Variants in CBLN2 observed in about 807,000 individuals in gnomAD.
CBLN2 encodes cerebellin 2 precursor.
In CBLN2, 7 loss-of-function variants were observed where a neutral mutation model predicts 15.0. The observed-to-expected ratio is 0.47, with a 90% CI of 0.27 to 0.88. The LOEUF (loss-of-function observed/expected upper bound fraction) is 0.88. Among genes scored for constraint, CBLN2 ranks in the 40% least tolerant of loss-of-function variants. The pLI, the probability that CBLN2 is intolerant of heterozygous loss-of-function variation, is 0.14. For missense variants in CBLN2, 242 were observed against 304.5 expected (o/e 0.79, Z 1.53); for synonymous variants, 149 against 135.2 (o/e 1.10, Z -0.71).
At chr18:72,569,435 T>A (rs1203105986) in intron 1 of CBLN2, among the ~76,000 whole-genome samples, 1 of 152,348 alleles carries the variant, frequency 6.6e-6, no homozygotes, top group South Asian at 2.1e-4. Context: ...AAACAATCAG[T>A]TATGATAAAT....
chr18:72,537,961 T>C lies in CBLN2; in HGVS notation c.*215A>G, dbSNP rs2069078479. On this transcript the variant is annotated 3_prime_UTR_variant, in exon 5 of 5. Coordinates refer to ENST00000269503, the MANE Select transcript of CBLN2 (RefSeq NM_182511.4). ...CATTTCTCCTTAAGACCTTGTCATC[T>C]AAAACTAATTAGAGGCCAGGTTCCC... is the stretch of plus-strand genomic sequence containing the variant. The C allele has an allele frequency of 5.1e-6, 3 of 593,140 alleles. No homozygotes were observed. In the South Asian group the frequency reaches 6.2e-5, roughly 12 times the overall value. 36.7% of individuals were successfully genotyped at this position (593,140 alleles called of 1,614,324 possible).
At chr18:72,616,234 C>T (rs577760911) in intron 1 of CBLN2, among the ~76,000 whole-genome samples, 2 of 152,294 alleles carry the variant, frequency 1.3e-5, no homozygotes, top group East Asian at 1.9e-4. Flanking sequence ...CTTTAGTCTT[C>T]CTCCAGGAAT....
chr18:72,553,967 G>T (rs1346567632), intron 1 of CBLN2, among the ~76,000 whole-genome samples: 2 of 152,118 alleles, frequency 1.3e-5, no homozygotes, highest in African/African-American at 4.8e-5. Flanking sequence ...CCATGCCTGG[G>T]TGCAATCTGA....
rs1413471277 is a variant in CBLN2 at position 72,536,728 on chromosome 18, C to A, written c.*1448G>T. 2 of 152,608 alleles carry A rather than the reference C, an allele frequency of 1.3e-5. No homozygotes were observed. The highest frequency in any genetic ancestry group is 2.9e-5 in the Non-Finnish European group (2 of 68,026). The allele number at this position is 152,608 out of a possible 1,614,324, so 9.5% of individuals were successfully genotyped here. ...CTGAATCTTAAATTATGACTTTTAT[C>A]ATCAATATTTTGGTTACATTGTTAC... On this transcript the variant is annotated 3_prime_UTR_variant, in exon 5 of 5. Coordinates refer to ENST00000269503, the MANE Select transcript of CBLN2 (RefSeq NM_182511.4).
Position 72,543,506 on chromosome 18 carries a change from G to C in CBLN2, c.-187C>G, listed in dbSNP as rs1015684086. On this transcript the variant is annotated 5_prime_UTR_variant, in exon 2 of 5. Coordinates refer to ENST00000269503, the MANE Select transcript of CBLN2 (RefSeq NM_182511.4). The surrounding 1 kb of genome is among the most constrained non-coding windows in gnomAD (Gnocchi z 6.8). ...GTTACCTGGAACATCCATGCTGGGC[G>C]AGCTCCGCTGTCCGCGAAGTTGCTC... 2.5e-6 allele frequency: 1 copy of C among 398,628 alleles called. No homozygotes were observed. The allele number at this position is 398,628 out of a possible 1,614,324, so 24.7% of individuals were successfully genotyped here. A position where few individuals can be genotyped will look rare whatever the true frequency, so the allele number is the denominator to read the frequency against.
chr18:72,594,445 T>C (rs1008085168), intron 1 of CBLN2, among the ~76,000 whole-genome samples: 4 of 124,214 alleles, frequency 3.2e-5, no homozygotes, highest in African/African-American at 1.3e-4. Context: ...TGTAGTTCTC[T>C]TTTTTTTTTT....
intron 1 of CBLN2, among the ~76,000 whole-genome samples, chr18:72,603,640 G>A (rs1262187790): frequency 6.6e-6 from 1 of 152,094 alleles, no homozygotes; most frequent in Non-Finnish European, 1.5e-5. Context: ...AAGCCCGCCT[G>A]CAACTTCCTT....
chr18:72,600,204 T>A (rs373758191), intron 1 of CBLN2, among the ~76,000 whole-genome samples: 1 of 152,250 alleles, frequency 6.6e-6, no homozygotes, highest in African/African-American at 2.4e-5. Flanking sequence ...TTATAAATTT[T>A]AGTTACCAAA....
chr18:72,544,789 G>A (rs2069146555), upstream of CBLN2, among the ~76,000 whole-genome samples: 1 of 151,932 alleles, frequency 6.6e-6, no homozygotes, highest in South Asian at 2.1e-4. Context: ...TAAATGCTGC[G>A]GTGAGGTTAT....
intron 1 of CBLN2, among the ~76,000 whole-genome samples, chr18:72,602,302 C>T (rs569939805): frequency 5.3e-5 from 8 of 152,208 alleles, no homozygotes; most frequent in African/African-American, 1.2e-4. Flanking sequence ...AGCCTGTTGC[C>T]GGCGGCTGTG....
At chr18:72,609,882 C>T (rs1213348762) in intron 1 of CBLN2, among the ~76,000 whole-genome samples, 1 of 152,202 alleles carries the variant, frequency 6.6e-6, no homozygotes, top group Non-Finnish European at 1.5e-5. Context: ...GCACATTGGG[C>T]AGTTCTGCTT....
chr18:72,607,270 A>G (rs2065783604), intron 1 of CBLN2, among the ~76,000 whole-genome samples: 1 of 152,180 alleles, frequency 6.6e-6, no homozygotes, highest in South Asian at 2.1e-4. Flanking sequence ...TGTCTAAGCC[A>G]TCCAGTTTGT....
At position 72,543,184 on chromosome 18, in the gene CBLN2, T is replaced by C; in HGVS notation, c.-167+302A>G. 1 of 281,484 alleles carries C rather than the reference T, an allele frequency of 3.6e-6. No individual in the cohort carries two copies. The highest frequency in any genetic ancestry group is 6.6e-6 in the Non-Finnish European group (1 of 151,726). 17.4% of individuals were successfully genotyped at this position (281,484 alleles called of 1,614,324 possible). A position where few individuals can be genotyped will look rare whatever the true frequency, so the allele number is the denominator to read the frequency against. ...TGCGAACTTACGCGCCCGTCTGCAC[T>C]TTTGCCCCGTCCCCGCTCCTCCCAG... On this transcript the variant is annotated intron_variant, in intron 2 of 4. Transcript: ENST00000269503. This position sits in a 1 kb window ranked among gnomAD's most constrained non-coding sequence, Gnocchi z 6.8.
chr18:72,593,003 AT>A (rs2069489936), intron 1 of CBLN2, among the ~76,000 whole-genome samples: 1 of 151,780 alleles, frequency 6.6e-6, no homozygotes, highest in Non-Finnish European at 1.5e-5. Context: ...AATTTTTAGG[AT>A]TTTTCCCCTA....
At chr18:72,570,170 C>T (rs1389342631) in intron 1 of CBLN2, among the ~76,000 whole-genome samples, 5 of 151,886 alleles carry the variant, frequency 3.3e-5, no homozygotes, top group Non-Finnish European at 4.4e-5. Context: ...ACAAACTGAT[C>T]GATACTTAAC....
At chr18:72,592,706 C>T (rs959618114) in intron 1 of CBLN2, among the ~76,000 whole-genome samples, 5 of 152,158 alleles carry the variant, frequency 3.3e-5, no homozygotes, top group African/African-American at 1.2e-4. Flanking sequence ...CACTCTTCTG[C>T]ATACGGTTAT....
intron 1 of CBLN2, among the ~76,000 whole-genome samples, chr18:72,621,464 ATAAT>A (rs1367579313): frequency 1.3e-5 from 2 of 152,150 alleles, no homozygotes; most frequent in Non-Finnish European, 2.9e-5. Flanking sequence ...CTTTTTGACA[ATAAT>A]TAATTGTTAT....
At chr18:72,548,764 C>T (rs924291895), upstream of CBLN2, among the ~76,000 whole-genome samples, 1 of 152,170 alleles carries the variant, frequency 6.6e-6, no homozygotes, top group Non-Finnish European at 1.5e-5. Context: ...CACGCAGCAT[C>T]TGTTTTCCAT....
intron 1 of CBLN2, among the ~76,000 whole-genome samples, chr18:72,595,929 G>A (rs2069510459): frequency 6.6e-6 from 1 of 151,980 alleles, no homozygotes; most frequent in Non-Finnish European, 1.5e-5. Flanking sequence ...GGTGAAGTGT[G>A]TTCCTTGTAG....
Sources: allele counts gnomAD v4.1 joint callset (sites outside exome capture counted in the v4.1 genomes callset), GRCh38; gene constraint gnomAD v4.1.1; non-coding constraint Gnocchi (gnomAD v3.1); transcripts MANE v1.5; gene names NCBI Gene and HGNC (gene_info 2026-07-23, HGNC 2026-07-21).